LYPLA1: variants seen among roughly 807,000 people sequenced by gnomAD.
The protein encoded by LYPLA1 is acyl-protein thioesterase 1.
Under a neutral mutation model 34.0 loss-of-function variants are expected in LYPLA1, and 17 were observed. That is an observed-to-expected ratio of 0.50 (90% CI 0.34 to 0.75). The LOEUF (loss-of-function observed/expected upper bound fraction) is 0.75, where lower values mean the gene tolerates loss of function less well. Ranked by LOEUF, LYPLA1 falls within the 30% of genes least tolerant of loss-of-function variation. LYPLA1 has a pLI of 0.01. For synonymous variants in LYPLA1, 98 were observed against 100.8 expected, an observed-to-expected ratio of 0.97 and a Z score of 0.17; for missense variants, 203 against 288.8, an observed-to-expected ratio of 0.70 and a Z score of 2.15.
chr8:54,048,608 C>T (rs1805630838), intron 8 of LYPLA1, among the ~76,000 whole-genome samples: 1 of 152,160 alleles, frequency 6.6e-6, no homozygotes, highest in Non-Finnish European at 1.5e-5. Flanking sequence ...AAGATATGAA[C>T]ATTAATATAC....
At position 54,062,303 on chromosome 8, in the gene LYPLA1, T is replaced by G; in HGVS notation, c.237A>C (p.Ser79=). 6.2e-7 allele frequency: 1 copy of G among 1,606,660 alleles called. No individual in the cohort carries two copies. The highest frequency in any genetic ancestry group is 8.5e-7 in the Non-Finnish European group (1 of 1,177,508). The change falls in exon 5 of 9, where the codon TCA becomes TCC. Residue 79 remains serine (S), a synonymous_variant. Coordinates refer to ENST00000316963, the MANE Select transcript of LYPLA1 (RefSeq NM_006330.4). ...MPSWFDIIGL[S]PDSQEDESGI... ...CAGATTCATCCTCCTGTGAATCTGG[T>G]GAAAGCCCAATAATATCAAACCTGT... is the stretch of plus-strand genomic sequence containing the variant.
intron 2 of LYPLA1, chr8:54,100,616 G>A: frequency 2.6e-6 from 1 of 378,364 alleles, no homozygotes; most frequent in South Asian, 2.6e-5. Context: ...ATTGCACACC[G>A]TCCCTACTAA....
At chr8:54,048,176 C>T in intron 8 of LYPLA1, 58 bp from the exon 9 acceptor site, 1 of 1,086,582 alleles carries the variant, frequency 9.2e-7, no homozygotes, top group Non-Finnish European at 1.4e-6. Context: ...AAATTAAATT[C>T]CCACTAAAAT....
chr8:54,092,291 A>C (rs1488054210), intron 2 of LYPLA1, among the ~76,000 whole-genome samples: 1 of 147,376 alleles, frequency 6.8e-6, no homozygotes, highest in African/African-American at 2.5e-5. Flanking sequence ...GAAGAGAAGG[A>C]GGGGGAAGAG....
intron 2 of LYPLA1, among the ~76,000 whole-genome samples, chr8:54,083,685 T>G (rs1163191860): frequency 6.6e-6 from 1 of 152,196 alleles, no homozygotes; most frequent in East Asian, 1.9e-4. Context: ...TTATGTACAA[T>G]AAAATCTGAG....
chr8:54,063,378 A>G lies in LYPLA1; in HGVS notation c.168-3T>C, dbSNP rs1251914768. On this transcript the variant is annotated splice_polypyrimidine_tract_variant and splice_region_variant and intron_variant, in intron 3 of 8. Transcript: ENST00000316963. ...TTAATGTAACAGGCCTAACAGGCCT[A>G]CATGGAAAAGAAAAAACAACAAAAT... is the stretch of plus-strand genomic sequence containing the variant. 2.6e-6 allele frequency: 4 copies of G among 1,528,778 alleles called. No homozygotes were observed. The highest frequency in any genetic ancestry group is 3.5e-6 in the Non-Finnish European group (4 of 1,133,836). 94.7% of individuals were successfully genotyped at this position (1,528,778 alleles called of 1,614,324 possible). A position where few individuals can be genotyped will look rare whatever the true frequency, so the allele number is the denominator to read the frequency against.
intron 2 of LYPLA1, among the ~76,000 whole-genome samples, chr8:54,066,966 C>T (rs575157207): frequency 6.6e-6 from 1 of 151,948 alleles, no homozygotes; most frequent in South Asian, 2.1e-4. Context: ...GTCCAGAGTT[C>T]GAGACCAGCC....
intron 2 of LYPLA1, among the ~76,000 whole-genome samples, chr8:54,082,447 A>AT (rs375820111): frequency 3.3e-5 from 5 of 152,152 alleles, no homozygotes; most frequent in African/African-American, 1.2e-4. Context: ...CTTAGCTCCT[A>AT]TTTGTTATGA....
chr8:54,050,861 T>C (rs542505339), intron 8 of LYPLA1, 151 bp downstream of exon 8: 1 of 705,646 alleles, frequency 1.4e-6, no homozygotes, highest in East Asian at 2.6e-5. Flanking sequence ...TTGAATTAAG[T>C]TGAATACACA....
intron 2 of LYPLA1, among the ~76,000 whole-genome samples, chr8:54,088,033 G>A (rs1483346338): frequency 3.9e-5 from 6 of 152,194 alleles, no homozygotes; most frequent in African/African-American, 1.4e-4. Context: ...AAAGGTAGAG[G>A]AGAACAAAGG....
At chr8:54,052,515 C>T in intron 7 of LYPLA1, 140 bp downstream of exon 7, 1 of 601,380 alleles carries the variant, frequency 1.7e-6, no homozygotes, top group South Asian at 2.2e-5. Flanking sequence ...GTACCTTCTG[C>T]TCAGTTTTGC....
chr8:54,098,746 G>C (rs1299261615), intron 2 of LYPLA1, among the ~76,000 whole-genome samples: 1 of 152,150 alleles, frequency 6.6e-6, no homozygotes, highest in Non-Finnish European at 1.5e-5. Context: ...AGTATTTCTG[G>C]AATTTTTCAT....
chr8:54,059,171 T>C (rs1806421159), intron 5 of LYPLA1, among the ~76,000 whole-genome samples: 1 of 152,198 alleles, frequency 6.6e-6, no homozygotes, highest in Non-Finnish European at 1.5e-5. Context: ...ACTTTTGTCA[T>C]CTATTATTTT....
At chr8:54,101,507 G>A (rs1323425310) in intron 1 of LYPLA1, 3 of 1,130,096 alleles carry the variant, frequency 2.7e-6, no homozygotes, top group Non-Finnish European at 3.3e-6. Flanking sequence ...GCCCGCGGGG[G>A]TCCCGGGGCC....
intron 2 of LYPLA1, among the ~76,000 whole-genome samples, chr8:54,092,745 G>A (rs1320654779): frequency 6.6e-6 from 1 of 152,200 alleles, no homozygotes; most frequent in African/African-American, 2.4e-5. Flanking sequence ...ACTTTGGGAA[G>A]CCAAGGTGGA....
intron 5 of LYPLA1, among the ~76,000 whole-genome samples, chr8:54,061,548 C>T (rs1806635306): frequency 6.6e-6 from 1 of 152,118 alleles, no homozygotes; most frequent in Non-Finnish European, 1.5e-5. Context: ...CTGTGGCAAA[C>T]AAGTAACAGA....
chr8:54,101,026 C>A, intron 1 of LYPLA1, 87 bp from the exon 2 acceptor site: 1 of 1,128,110 alleles, frequency 8.9e-7, no homozygotes, highest in Admixed American at 1.9e-5. Flanking sequence ...AGGTGGAAAA[C>A]GGAACGAAAC....
chr8:54,097,949 G>A (rs1479933800), intron 2 of LYPLA1, among the ~76,000 whole-genome samples: 2 of 152,194 alleles, frequency 1.3e-5, no homozygotes, highest in South Asian at 2.1e-4. Flanking sequence ...CAGGCTGGGC[G>A]AGGTGGCTCA....
chr8:54,076,713 G>C (rs1339895694), intron 2 of LYPLA1, among the ~76,000 whole-genome samples: 1 of 152,196 alleles, frequency 6.6e-6, no homozygotes, highest in Non-Finnish European at 1.5e-5. Context: ...CAGCATGAGC[G>C]ATCTGTGCCT....
Sources: allele counts gnomAD v4.1 joint callset (sites outside exome capture counted in the v4.1 genomes callset), GRCh38; gene constraint gnomAD v4.1.1; transcripts MANE v1.5; gene names NCBI Gene and HGNC (gene_info 2026-07-23, HGNC 2026-07-21).